Variants in LRP1B observed in about 807,000 individuals in gnomAD.
The protein encoded by LRP1B is low-density lipoprotein receptor-related protein 1B.
Under a neutral mutation model 556.6 loss-of-function variants are expected in LRP1B, and 217 were observed. The observed-to-expected ratio is 0.39, with a 90% CI of 0.35 to 0.44. The LOEUF is 0.44. Ranked by LOEUF, LRP1B falls within the 20% of genes least tolerant of loss-of-function variation. The pLI, the probability that LRP1B is intolerant of heterozygous loss-of-function variation, is 1.00. For synonymous variants in LRP1B, 2,047 were observed against 1,865.8 expected (o/e 1.10, Z -2.50); for missense variants, 5,053 against 5,620.8 (o/e 0.90, Z 3.23).
At chr2:141,948,051 A>G (rs1280721817) in intron 1 of LRP1B, among the ~76,000 whole-genome samples, 3 of 152,082 alleles carry the variant, frequency 2.0e-5, no homozygotes, top group African/African-American at 7.2e-5. Flanking sequence ...TAATCCCAGC[A>G]CTTTGTGAGG....
chr2:141,146,560 G>T (rs1026929251), intron 7 of LRP1B, among the ~76,000 whole-genome samples: 9 of 152,142 alleles, frequency 5.9e-5, no homozygotes, highest in Non-Finnish European at 1.3e-4. Context: ...AATGTATCAA[G>T]GGAGTGATTA....
chr2:141,036,291 A>T (rs1478140689), intron 11 of LRP1B, among the ~76,000 whole-genome samples: 1 of 152,110 alleles, frequency 6.6e-6, no homozygotes, highest in Non-Finnish European at 1.5e-5. Flanking sequence ...GTTTAATGTG[A>T]TAATTTAGAA....
At chr2:140,299,415 C>T (rs897910286) in intron 83 of LRP1B, among the ~76,000 whole-genome samples, 6 of 152,000 alleles carry the variant, frequency 3.9e-5, no homozygotes, top group Admixed American at 2.0e-4. Flanking sequence ...TTCTCTAAAA[C>T]TTAGCATTTA....
intron 32 of LRP1B, among the ~76,000 whole-genome samples, chr2:140,795,399 A>T (rs1690267997): frequency 6.6e-6 from 1 of 152,206 alleles, no homozygotes; most frequent in Non-Finnish European, 1.5e-5. Context: ...TAGTATTTTT[A>T]AAATGTGCAC....
At chr2:141,067,162 C>T (rs992359110) in intron 7 of LRP1B, among the ~76,000 whole-genome samples, 16 of 151,950 alleles carry the variant, frequency 1.1e-4, no homozygotes, top group South Asian at 2.1e-4. Flanking sequence ...AGTAATTTTC[C>T]ACATTATATA....
chr2:141,523,865 T>G (rs937641881), intron 2 of LRP1B, among the ~76,000 whole-genome samples: 1 of 152,184 alleles, frequency 6.6e-6, no homozygotes, highest in Non-Finnish European at 1.5e-5. Context: ...TTTCGAAATT[T>G]AGCACATGCT....
chr2:141,887,862 T>G (rs1028166281), intron 1 of LRP1B, among the ~76,000 whole-genome samples: 4 of 152,218 alleles, frequency 2.6e-5, no homozygotes, highest in African/African-American at 9.6e-5. Flanking sequence ...AGCACACTAC[T>G]TTCTCAAACA....
At chr2:140,396,860 T>G (rs140260914) in intron 66 of LRP1B, among the ~76,000 whole-genome samples, 1 of 152,284 alleles carries the variant, frequency 6.6e-6, no homozygotes, top group East Asian at 1.9e-4. Context: ...AGCGGTGATT[T>G]CTGAGATTTT....
intron 3 of LRP1B, among the ~76,000 whole-genome samples, chr2:141,286,062 G>A (rs1219846841): frequency 1.3e-4 from 8 of 61,194 alleles, no homozygotes; most frequent in Admixed American, 1.0e-3. Context: ...GCGAGACTCC[G>A]TCTCAAAAAA....
chr2:140,880,910 T>G (rs1233584083), intron 25 of LRP1B, among the ~76,000 whole-genome samples: 3 of 152,132 alleles, frequency 2.0e-5, no homozygotes, highest in Non-Finnish European at 4.4e-5. Flanking sequence ...TTAGCACAAG[T>G]ATATATTCAA....
At chr2:141,159,087 G>C (rs1269620491) in intron 7 of LRP1B, among the ~76,000 whole-genome samples, 1 of 152,104 alleles carries the variant, frequency 6.6e-6, no homozygotes, top group Non-Finnish European at 1.5e-5. Context: ...AAAAGGAAAT[G>C]AATAAAAGAC....
chr2:141,405,181 A>G (rs1372410496), intron 3 of LRP1B, among the ~76,000 whole-genome samples: 1 of 152,232 alleles, frequency 6.6e-6, no homozygotes, highest in Non-Finnish European at 1.5e-5. Flanking sequence ...TTATAAAGCC[A>G]TATTTATTAT....
chr2:141,583,435 C>T (rs895189957), intron 2 of LRP1B, among the ~76,000 whole-genome samples: 2 of 151,644 alleles, frequency 1.3e-5, no homozygotes, highest in Non-Finnish European at 2.9e-5. Flanking sequence ...AATGAAATAC[C>T]GATCATCAAG....
At chr2:141,744,356 T>A (rs1286290776) in intron 2 of LRP1B, among the ~76,000 whole-genome samples, 1 of 152,140 alleles carries the variant, frequency 6.6e-6, no homozygotes, top group Non-Finnish European at 1.5e-5. Flanking sequence ...TTGCTATTAT[T>A]TTATTTTTAT....
At chr2:141,101,271 C>G (rs572957901) in intron 7 of LRP1B, among the ~76,000 whole-genome samples, 53 of 152,270 alleles carry the variant, frequency 3.5e-4, no homozygotes, top group African/African-American at 1.3e-3. Flanking sequence ...AAGAACCATG[C>G]TTTCCTTGTC....
At chr2:140,831,845 A>T (rs1263146326) in intron 31 of LRP1B, among the ~76,000 whole-genome samples, 1 of 152,206 alleles carries the variant, frequency 6.6e-6, no homozygotes, top group African/African-American at 2.4e-5. Context: ...ATGTGATTTT[A>T]AAATGGGCAA....
intron 7 of LRP1B, among the ~76,000 whole-genome samples, chr2:141,076,145 G>C (rs923278441): frequency 2.0e-5 from 3 of 152,128 alleles, no homozygotes; most frequent in African/African-American, 7.2e-5. Context: ...TTTAGTTTTA[G>C]GCAGGAATGC....
intron 1 of LRP1B, among the ~76,000 whole-genome samples, chr2:141,876,067 GAATAA>G (rs1183766017): frequency 4.0e-5 from 6 of 151,842 alleles, no homozygotes; most frequent in African/African-American, 1.2e-4. Context: ...AAGAACAGGT[GAATAA>G]AATAAGTCTT....
chr2:141,079,750 A>G (rs1300953444), intron 7 of LRP1B, among the ~76,000 whole-genome samples: 1 of 152,204 alleles, frequency 6.6e-6, no homozygotes, highest in Non-Finnish European at 1.5e-5. Flanking sequence ...AATTTTATGA[A>G]GACTATGTAA....
Sources: allele counts gnomAD v4.1 joint callset (sites outside exome capture counted in the v4.1 genomes callset), GRCh38; gene constraint gnomAD v4.1.1; transcripts MANE v1.5; gene names NCBI Gene and HGNC (gene_info 2026-07-23, HGNC 2026-07-21).